Variants in IST1 observed in about 807,000 individuals in gnomAD.
IST1 encodes IST1 factor associated with ESCRT-III.
Under a neutral mutation model 37.0 loss-of-function variants are expected in IST1, and 23 were observed. The observed-to-expected ratio is 0.62, with a 90% CI of 0.45 to 0.88. IST1 has a LOEUF of 0.88. IST1 is among the 40% of genes least tolerant of loss of function. The probability of loss-of-function intolerance (pLI) is 0.00; values close to 1 mark genes in which losing one functional copy is unlikely to be tolerated. For missense variants in IST1, 488 were observed against 445.4 expected, an observed-to-expected ratio of 1.10 and a Z score of -0.86; for synonymous variants, 180 against 161.7, an observed-to-expected ratio of 1.11 and a Z score of -0.86.
rs190894101 is a variant in IST1 at position 71,930,118 on chromosome 16, A to G, written c.*2305A>G. The G allele has an allele frequency of 1.2e-4, 190 of 1,551,646 alleles. No individual in the cohort carries two copies. Among genetic ancestry groups the G allele is most frequent in the Admixed American group, 5.5e-4 (28 of 51,008 alleles). ...CCGAAACGAAAAGATTAATTACCACAAGTACCATCAAGATGACACTGGTGA... is the reference window on the plus strand; with the variant it reads ...CCGAAACGAAAAGATTAATTACCACGAGTACCATCAAGATGACACTGGTGA... On this transcript the variant is annotated 3_prime_UTR_variant, in exon 10 of 10. Coordinates refer to ENST00000378799, the MANE Select transcript of IST1 (RefSeq NM_001270975.2).
In IST1 at chr16:71,929,354, A is replaced by T; in HGVS notation, c.*1541A>T. The stretch of plus-strand genomic sequence containing the variant: ...TGGCAGCAGAGCTAGTTTGTCTCGT[A>T]GTATTCTTGCATTGTTAATCCTATC... On this transcript the variant is annotated 3_prime_UTR_variant, in exon 10 of 10. Coordinates refer to ENST00000378799, the MANE Select transcript of IST1 (RefSeq NM_001270975.2). The T allele has an allele frequency of 1.8e-6, 1 of 553,190 alleles. No homozygotes were observed. Among genetic ancestry groups the T allele is most frequent in the Non-Finnish European group, 3.0e-6 (1 of 333,056 alleles). The allele number at this position is 553,190 out of a possible 1,614,324, so 34.3% of individuals were successfully genotyped here.
chr16:71,904,998 A>G (rs1255381983), intron 1 of IST1, among the ~76,000 whole-genome samples: 1 of 151,744 alleles, frequency 6.6e-6, no homozygotes, highest in Non-Finnish European at 1.5e-5. Context: ...TTTAAATTCC[A>G]TTAAAAAATT....
chr16:71,915,836 TG>T, intron 2 of IST1, 108 bp downstream of exon 2: 1 of 652,492 alleles, frequency 1.5e-6, no homozygotes, highest in South Asian at 1.9e-5. Context: ...TATTTTTTTT[TG>T]TTGTTTTTGT....
chr16:71,907,157 T>C (rs2037241382), intron 1 of IST1, among the ~76,000 whole-genome samples: 1 of 150,960 alleles, frequency 6.6e-6, no homozygotes, highest in Non-Finnish European at 1.5e-5. Flanking sequence ...TTGCTAAATT[T>C]GGGAAGTTTT....
intron 1 of IST1, chr16:71,903,717 TTGA>T (rs2037159496): frequency 2.0e-5 from 3 of 152,166 alleles, no homozygotes; most frequent in African/African-American, 7.2e-5. Flanking sequence ...TTTGTTAAGT[TTGA>T]TTTTAGAACC....
intron 1 of IST1, among the ~76,000 whole-genome samples, chr16:71,897,875 A>G (rs996083445): frequency 6.6e-6 from 1 of 152,146 alleles, no homozygotes; most frequent in Non-Finnish European, 1.5e-5. Context: ...CTCGAACCCG[A>G]GAGGCGGAGG....
chr16:71,921,727 T>A, intron 6 of IST1: 1 of 348,680 alleles, frequency 2.9e-6, no homozygotes, highest in Non-Finnish European at 5.4e-6. Flanking sequence ...TTGAGAAACC[T>A]CCTGTTCATA....
rs2037621006 is a variant in IST1, at chr16:71,922,499, C to G, written c.578C>G (p.Thr193Arg). 1.2e-6 allele frequency: 2 copies of G among 1,614,010 alleles called. No homozygotes were observed. The highest frequency in any genetic ancestry group is 1.7e-6 in the Non-Finnish European group (2 of 1,180,030). ...VMAEAPPGVE[T>R]DLIDVGFTDD... ...GCAGAAGCTCCTCCTGGGGTAGAGA[C>G]AGATCTTATTGATGTTGGATTCACA... Residue 193 changes from threonine to arginine, a missense_variant, in exon 7 of 10, where the codon ACA (threonine) becomes AGA (arginine). This residue lies in a region of IST1 where 455 missense variants were observed against 386.2 expected (regional missense o/e 1.18). Transcript: ENST00000378799.
In IST1 at chr16:71,902,384, C is replaced by G. The variant is rs1207824008; in HGVS notation, c.-16+6795C>G. On this transcript the variant is annotated intron_variant, in intron 1 of 9. Coordinates refer to ENST00000378799, the MANE Select transcript of IST1 (RefSeq NM_001270975.2). The stretch of plus-strand genomic sequence containing the variant: ...TCCTGGGTTCAAGCAATTCTTCTGC[C>G]TCAGCCTCCCGAGTAGCTGGGATTA... 2.6e-5 allele frequency among the ~76,000 whole-genome samples: 4 copies of G among 152,114 alleles called. No homozygotes were observed. The East Asian group carries it at 7.7e-4, about 29-fold the overall frequency.
intron 1 of IST1, among the ~76,000 whole-genome samples, chr16:71,915,395 G>T (rs879651477): frequency 5.3e-5 from 8 of 152,062 alleles, no homozygotes; most frequent in Non-Finnish European, 7.4e-5. Context: ...CTCTTGTCTG[G>T]ATGATAATAA....
At position 71,902,743 on chromosome 16, in the gene IST1, C is replaced by T. The variant is rs180912944; in HGVS notation, c.-16+7154C>T. Reference sequence around the variant, plus strand: ...AGTCTTTAGAATCTGTAGTGATATTCACCCTTTCATCGCTGATACTGATAA... The same window carrying T: ...AGTCTTTAGAATCTGTAGTGATATTTACCCTTTCATCGCTGATACTGATAA... On this transcript the variant is annotated intron_variant, in intron 1 of 9. Coordinates refer to ENST00000378799, the MANE Select transcript of IST1 (RefSeq NM_001270975.2). 3.4e-3 allele frequency among the ~76,000 whole-genome samples: 514 copies of T among 152,180 alleles called. 1 individual carries two copies. The highest frequency in any genetic ancestry group is 6.1e-3 in the Non-Finnish European group (417 of 68,018).
At chr16:71,924,710 C>G in intron 8 of IST1, 59 bp from the exon 9 acceptor site, 3 of 1,298,874 alleles carry the variant, frequency 2.3e-6, no homozygotes, top group Non-Finnish European at 2.2e-6. Flanking sequence ...GGGCTTACAC[C>G]AGTACTTTCT....
intron 1 of IST1, among the ~76,000 whole-genome samples, chr16:71,900,447 C>T (rs900947958): frequency 4.0e-5 from 6 of 149,218 alleles, no homozygotes; most frequent in East Asian, 2.0e-4. Flanking sequence ...TTCTTTTCCT[C>T]CTCCAGATAT....
upstream of IST1, chr16:71,894,888 C>A (rs1342369387): frequency 4.8e-6 from 7 of 1,443,594 alleles, no homozygotes; most frequent in Non-Finnish European, 6.6e-6. Context: ...TCTCTGAATA[C>A]CGAGATAAAT....
intron 6 of IST1, 76 bp downstream of exon 6, chr16:71,921,529 T>G (rs2037584585): frequency 9.8e-6 from 7 of 711,864 alleles, no homozygotes; most frequent in Non-Finnish European, 1.4e-5. Flanking sequence ...AAAACATTCT[T>G]TGCACTAACT....
In IST1 at chr16:71,930,977, T is replaced by G. The variant is rs2037934226; in HGVS notation, c.*3164T>G. 2 of 152,216 alleles carry G rather than the reference T, an allele frequency of 1.3e-5. No homozygotes were observed. The highest frequency in any genetic ancestry group is 4.8e-5 in the African/African-American group (2 of 41,448). The allele number at this position is 152,216 out of a possible 1,614,324, so 9.4% of individuals were successfully genotyped here. ...TTTACCTACTTAAAAATGATTATTA[T>G]AACAATTTCAGGTCAACCAGATAAT... On this transcript the variant is annotated 3_prime_UTR_variant, in exon 10 of 10. Transcript: ENST00000378799.
chr16:71,917,656 T>A (rs1364717665), intron 4 of IST1, among the ~76,000 whole-genome samples: 1 of 152,182 alleles, frequency 6.6e-6, no homozygotes, highest in Non-Finnish European at 1.5e-5. Flanking sequence ...GGATACAAAT[T>A]CAGTTGTGTT....
intron 1 of IST1, among the ~76,000 whole-genome samples, chr16:71,897,205 G>A (rs2036993484): frequency 6.7e-6 from 1 of 148,652 alleles, no homozygotes; most frequent in Non-Finnish European, 1.5e-5. Context: ...TCGGGGTCGG[G>A]AGGGGAGAGT....
At chr16:71,919,270 C>T (rs1024627100) in intron 4 of IST1, among the ~76,000 whole-genome samples, 4 of 152,246 alleles carry the variant, frequency 2.6e-5, no homozygotes, top group Admixed American at 6.5e-5. Context: ...ACTAGAGGCT[C>T]ACTGGCTGAT....
Sources: allele counts gnomAD v4.1 joint callset (sites outside exome capture counted in the v4.1 genomes callset), GRCh38; gene constraint gnomAD v4.1.1; regional missense constraint gnomAD v4.1.1; transcripts MANE v1.5; gene names NCBI Gene and HGNC (gene_info 2026-07-23, HGNC 2026-07-21).